DLG5: variants seen among roughly 807,000 people sequenced by gnomAD.
DLG5 encodes the protein discs large MAGUK scaffold protein 5.
A neutral mutation model predicts 189.8 loss-of-function variants in DLG5; 48 were observed. The observed-to-expected ratio is 0.25, with a 90% CI of 0.20 to 0.32. The LOEUF is 0.32. DLG5 is among the 10% of genes least tolerant of loss of function. The pLI, the probability that DLG5 is intolerant of heterozygous loss-of-function variation, is 1.00. For synonymous variants in DLG5, 1,016 were observed against 1,054.1 expected, an observed-to-expected ratio of 0.96 and a Z score of 0.70; for missense variants, 2,160 against 2,544.7, an observed-to-expected ratio of 0.85 and a Z score of 3.25.
chr10:77,830,626 G>A, intron 10 of DLG5, 115 bp downstream of exon 10: 1 of 1,495,038 alleles, frequency 6.7e-7, no homozygotes, highest in Non-Finnish European at 9.0e-7. Context: ...ACTCCTGGGA[G>A]GAAAAGGAGA....
intron 1 of DLG5, among the ~76,000 whole-genome samples, chr10:77,887,959 C>A (rs1276841142): frequency 1.3e-5 from 2 of 152,142 alleles, no homozygotes; most frequent in Non-Finnish European, 1.5e-5. Context: ...AGTTCCACAC[C>A]GAGCTGCCAT....
intron 1 of DLG5, among the ~76,000 whole-genome samples, chr10:77,890,450 G>A (rs1010404506): frequency 1.3e-5 from 2 of 152,068 alleles, no homozygotes; most frequent in South Asian, 2.1e-4. Context: ...TTACCACCAC[G>A]GGCAAGGTAC....
intron 2 of DLG5, chr10:77,868,841 G>A (rs1434070452): frequency 1.3e-5 from 6 of 460,018 alleles, no homozygotes; most frequent in South Asian, 9.2e-5. Context: ...AGGCCTTTGG[G>A]GTTGGGGTGG....
At chr10:77,937,550 G>A in the DLG5 span, among the ~76,000 whole-genome samples, 2 of 151,990 alleles carry the variant, frequency 1.3e-5, no homozygotes, top group Non-Finnish European at 2.9e-5. Context: ...AAAAACCAAG[G>A]CAAGGGAAAG....
intron 1 of DLG5, among the ~76,000 whole-genome samples, chr10:77,911,104 T>TA (rs1358107734): frequency 6.6e-5 from 10 of 150,990 alleles, no homozygotes; most frequent in African/African-American, 2.0e-4. Flanking sequence ...CCACTATATA[T>TA]TTTTTTTAAG....
chr10:77,827,962 T>C (rs985796772), intron 13 of DLG5, among the ~76,000 whole-genome samples: 3 of 152,108 alleles, frequency 2.0e-5, no homozygotes, highest in Admixed American at 2.0e-4. Context: ...GGAGCAGGAT[T>C]AAAGGGGGAA....
intron 1 of DLG5, among the ~76,000 whole-genome samples, chr10:77,880,056 G>A (rs1191930129): frequency 2.0e-5 from 3 of 152,146 alleles, no homozygotes; most frequent in Non-Finnish European, 4.4e-5. Context: ...GAGGTCCAAG[G>A]AATGAACCTG....
intron 20 of DLG5, chr10:77,815,901 G>A (rs116467059): frequency 6.7e-4 from 241 of 361,646 alleles, no homozygotes; most frequent in African/African-American, 4.5e-3. Flanking sequence ...TGCACAGTGC[G>A]CGGGGGTGAC....
chr10:77,915,837 A>G (rs1846342135), intron 1 of DLG5, among the ~76,000 whole-genome samples: 1 of 152,236 alleles, frequency 6.6e-6, no homozygotes, highest in South Asian at 2.1e-4. Context: ...ACATGCTTCA[A>G]GGCCTTTAGG....
intron 19 of DLG5, 138 bp from the exon 20 acceptor site, chr10:77,816,839 C>G (rs1010905015): frequency 7.9e-6 from 11 of 1,388,930 alleles, no homozygotes; most frequent in Middle Eastern, 2.0e-4. Flanking sequence ...ATGCTAGGCT[C>G]TGCATTGCCC....
intron 1 of DLG5, chr10:77,869,441 G>A: frequency 2.0e-6 from 1 of 492,386 alleles, no homozygotes; most frequent in East Asian, 4.1e-5. Context: ...GGGGAACTTG[G>A]AGTCAGTCAG....
intron 1 of DLG5, among the ~76,000 whole-genome samples, chr10:77,891,999 C>T (rs1055946716): frequency 1.3e-5 from 2 of 152,230 alleles, no homozygotes; most frequent in African/African-American, 4.8e-5. Context: ...GACACAGGCC[C>T]CCAGGGATCA....
Sources: allele counts gnomAD v4.1 joint callset (sites outside exome capture counted in the v4.1 genomes callset), GRCh38; gene constraint gnomAD v4.1.1; transcripts MANE v1.5; gene names NCBI Gene and HGNC (gene_info 2026-07-23, HGNC 2026-07-21).